The following FLRT2 variants were observed in gnomAD, a reference collection of about 807,000 sequenced individuals.
FLRT2 encodes leucine-rich repeat transmembrane protein FLRT2.
In FLRT2, 15 loss-of-function variants were observed where a neutral mutation model predicts 40.0. That is an observed-to-expected ratio of 0.38 (90% confidence interval 0.25 to 0.58). The LOEUF (loss-of-function observed/expected upper bound fraction) is 0.58. FLRT2 is among the 20% of genes least tolerant of loss of function. The pLI is 0.71. For missense variants in FLRT2, 726 were observed against 840.0 expected, an observed-to-expected ratio of 0.86 and a Z score of 1.68; for synonymous variants, 380 against 336.8, an observed-to-expected ratio of 1.13 and a Z score of -1.41.
rs2139383545 is a variant in FLRT2 at position 85,629,991 on chromosome 14, G to A, written c.*6494G>A. 1 of 152,288 alleles carries A rather than the reference G, an allele frequency of 6.6e-6. No individual in the cohort carries two copies. The highest frequency in any genetic ancestry group is 3.4e-3 in the Middle Eastern group (1 of 292). 9.4% of individuals were successfully genotyped at this position (152,288 alleles called of 1,614,324 possible). A position where few individuals can be genotyped will look rare whatever the true frequency, so the allele number is the denominator to read the frequency against. ...GAGCTACTAAAAGGTCTTCAGTTGG[G>A]TTATTTTTAGGAATGAATTTGTTTC... is the stretch of plus-strand genomic sequence containing the variant. On this transcript the variant is annotated 3_prime_UTR_variant, in exon 2 of 2. Transcript: ENST00000330753.
Position 85,630,809 on chromosome 14 carries a change from T to C in FLRT2, c.*7312T>C, listed in dbSNP as rs1236355446. 6.6e-6 allele frequency: 1 copy of C among 152,056 alleles called. No individual in the cohort carries two copies. Among genetic ancestry groups the C allele is most frequent in the African/African-American group, 2.4e-5 (1 of 41,364 alleles). The allele number at this position is 152,056 out of a possible 1,614,324, so 9.4% of individuals were successfully genotyped here. A position where few individuals can be genotyped will look rare whatever the true frequency, so the allele number is the denominator to read the frequency against. ...GCACCAGAGTGGCCTCTCAAATGTG[T>C]TTTCTCCTCTTGGTTCCCTGACTCT... On this transcript the variant is annotated 3_prime_UTR_variant, in exon 2 of 2. Coordinates refer to ENST00000330753, the MANE Select transcript of FLRT2 (RefSeq NM_013231.6).
chr14:85,568,805 C>T (rs1890755099), intron 1 of FLRT2, among the ~76,000 whole-genome samples: 7 of 152,120 alleles, frequency 4.6e-5, no homozygotes, highest in Admixed American at 4.6e-4. Context: ...AGTTTTACTA[C>T]GTGTAACCTG....
chr14:85,553,813 A>G (rs1184167402), intron 1 of FLRT2, among the ~76,000 whole-genome samples: 2 of 152,154 alleles, frequency 1.3e-5, no homozygotes, highest in African/African-American at 4.8e-5. Flanking sequence ...TTGGGTAAGG[A>G]TAGAGTGTTT....
chr14:85,565,057 A>G (rs1044691329), intron 1 of FLRT2, among the ~76,000 whole-genome samples: 1 of 152,228 alleles, frequency 6.6e-6, no homozygotes, highest in Non-Finnish European at 1.5e-5. Flanking sequence ...GTACAAAGCC[A>G]CAGAAATCCT....
intron 1 of FLRT2, among the ~76,000 whole-genome samples, chr14:85,565,561 T>C (rs1890580681): frequency 6.6e-6 from 1 of 152,212 alleles, no homozygotes; most frequent in Non-Finnish European, 1.5e-5. Flanking sequence ...TTTTTTTATT[T>C]ATTTAAATTT....
chr14:85,629,917 G>A lies in FLRT2; in HGVS notation c.*6420G>A, dbSNP rs1893822800. 1 of 152,074 alleles carries A rather than the reference G, an allele frequency of 6.6e-6. No homozygotes were observed. Among genetic ancestry groups the A allele is most frequent in the South Asian group, 2.1e-4 (1 of 4,816 alleles). The allele number at this position is 152,074 out of a possible 1,614,324, so 9.4% of individuals were successfully genotyped here. On this transcript the variant is annotated 3_prime_UTR_variant, in exon 2 of 2. Coordinates refer to ENST00000330753, the MANE Select transcript of FLRT2 (RefSeq NM_013231.6). ...TGGCTGCACATTTATCTGATTTGAA[G>A]GTTTCAGATGGAATCAAGATATGTC...
intron 1 of FLRT2, among the ~76,000 whole-genome samples, chr14:85,613,488 A>AGAT (rs973857359): frequency 2.6e-4 from 39 of 152,254 alleles, no homozygotes; most frequent in African/African-American, 9.1e-4. Flanking sequence ...CAATCTTTCC[A>AGAT]GATAGCTTTA....
At chr14:85,578,694 G>A (rs147421214) in intron 1 of FLRT2, among the ~76,000 whole-genome samples, 4 of 152,068 alleles carry the variant, frequency 2.6e-5, no homozygotes, top group East Asian at 3.9e-4. Flanking sequence ...GATTTTTTCC[G>A]CATATTTACT....
At chr14:85,564,961 T>C (rs1890551668) in intron 1 of FLRT2, among the ~76,000 whole-genome samples, 1 of 152,212 alleles carries the variant, frequency 6.6e-6, no homozygotes, top group South Asian at 2.1e-4. Flanking sequence ...TTACCATTTC[T>C]ATGATAGCAA....
At chr14:85,588,619 A>C (rs12433264) in intron 1 of FLRT2, among the ~76,000 whole-genome samples, 1 of 151,938 alleles carries the variant, frequency 6.6e-6, no homozygotes, top group Non-Finnish European at 1.5e-5. Context: ...GTTACAAACA[A>C]CCCAGTTATA....
At position 85,615,628 on chromosome 14, in the gene FLRT2, G is replaced by A. The variant is rs1454064889; in HGVS notation, c.-376-5511G>A. 7.7e-5 allele frequency among the ~76,000 whole-genome samples: 6 copies of A among 77,558 alleles called. No homozygotes were observed. The East Asian group carries it at 1.4e-3, about 19-fold the overall frequency. The allele number at this position is 77,558 out of a possible 152,430, so 50.9% of individuals were successfully genotyped here. On this transcript the variant is annotated intron_variant, in intron 1 of 1. Transcript: ENST00000330753. ...TAGAAAAATGGTTTCAGGCTACGGG[G>A]TGGCTATTGATATATGTTTCCCTAA...
At chr14:85,547,592 G>A (rs1346627819) in intron 1 of FLRT2, among the ~76,000 whole-genome samples, 4 of 152,134 alleles carry the variant, frequency 2.6e-5, no homozygotes, top group Admixed American at 2.6e-4. Flanking sequence ...AAAGTGCTGG[G>A]ATTATAGGCT....
At chr14:85,612,629 C>T (rs906288499) in intron 1 of FLRT2, among the ~76,000 whole-genome samples, 2 of 152,050 alleles carry the variant, frequency 1.3e-5, no homozygotes, top group African/African-American at 2.4e-5. Context: ...GTTTCTTATC[C>T]CCTCTTGTTC....
chr14:85,602,799 T>C (rs2139336306), intron 1 of FLRT2, among the ~76,000 whole-genome samples: 1 of 152,302 alleles, frequency 6.6e-6, no homozygotes, highest in Non-Finnish European at 1.5e-5. Context: ...ACCCTTCATT[T>C]CTGTTTAAAA....
At chr14:85,575,775 C>T (rs1891105345) in intron 1 of FLRT2, among the ~76,000 whole-genome samples, 1 of 152,214 alleles carries the variant, frequency 6.6e-6, no homozygotes, top group African/African-American at 2.4e-5. Flanking sequence ...TGTTGCCCTT[C>T]ACCCAGCTCC....
In FLRT2 at chr14:85,627,160, T is replaced by G. The variant is rs183073694; in HGVS notation, c.*3663T>G. The G allele has an allele frequency of 6.0e-6, 1 of 167,088 alleles. No homozygotes were observed. The highest frequency in any genetic ancestry group is 1.5e-5 in the Non-Finnish European group (1 of 68,134). 10.4% of individuals were successfully genotyped at this position (167,088 alleles called of 1,614,324 possible). A position where few individuals can be genotyped will look rare whatever the true frequency, so the allele number is the denominator to read the frequency against. ...AGACATTACATTTTACTTTAGAACA[T>G]GAGAATAGCAGTTTTGCTCATGACT... is the stretch of plus-strand genomic sequence containing the variant. On this transcript the variant is annotated 3_prime_UTR_variant, in exon 2 of 2. Transcript: ENST00000330753.
chr14:85,583,408 A>G (rs575478586), intron 1 of FLRT2, among the ~76,000 whole-genome samples: 284 of 152,312 alleles, frequency 1.9e-3, no homozygotes, highest in African/African-American at 6.1e-3. Context: ...TCCTAGTTGT[A>G]GTTGTCAAGG....
rs1021544154 is a variant in FLRT2 at position 85,631,451 on chromosome 14, G to A, written c.*7954G>A. 1.3e-5 allele frequency: 2 copies of A among 152,012 alleles called. No individual in the cohort carries two copies. Among genetic ancestry groups the A allele is most frequent in the African/African-American group, 2.4e-5 (1 of 41,384 alleles). 9.4% of individuals were successfully genotyped at this position (152,012 alleles called of 1,614,324 possible). A position where few individuals can be genotyped will look rare whatever the true frequency, so the allele number is the denominator to read the frequency against. ...CAGAAAACATATTCTGTAAATTGTT[G>A]TACCTCATCCAGTGTTAAGAGCCAT... On this transcript the variant is annotated 3_prime_UTR_variant, in exon 2 of 2. Transcript: ENST00000330753.
intron 1 of FLRT2, among the ~76,000 whole-genome samples, chr14:85,592,117 A>G (rs1333502018): frequency 6.6e-6 from 1 of 150,682 alleles, no homozygotes; most frequent in Admixed American, 6.6e-5. Flanking sequence ...GGTCGTTAAA[A>G]CAGATGTGAC....
Sources: allele counts gnomAD v4.1 joint callset (sites outside exome capture counted in the v4.1 genomes callset), GRCh38; gene constraint gnomAD v4.1.1; transcripts MANE v1.5; gene names NCBI Gene and HGNC (gene_info 2026-07-23, HGNC 2026-07-21).